MCF2L: variants seen among roughly 807,000 people sequenced by gnomAD.
MCF2L encodes MCF.2 cell line derived transforming sequence like.
Under a neutral mutation model 153.4 loss-of-function variants are expected in MCF2L, and 97 were observed. The ratio of observed to expected loss-of-function variants is 0.63; its 90% confidence interval spans 0.54 to 0.75. The LOEUF (loss-of-function observed/expected upper bound fraction) is 0.75, where lower values mean the gene tolerates loss of function less well. Ranked by LOEUF, MCF2L falls within the 30% of genes least tolerant of loss-of-function variation. The pLI is 0.00. For synonymous variants in MCF2L, 659 were observed against 632.2 expected (o/e 1.04, Z -0.64); for missense variants, 1,347 against 1,495.2 (o/e 0.90, Z 1.64).
At chr13:113,090,684 C>G (rs1377579090) in intron 26 of MCF2L, 4 of 985,370 alleles carry the variant, frequency 4.1e-6, no homozygotes, top group African/African-American at 1.7e-5. Flanking sequence ...GAAGCCGGCC[C>G]TGGCGTGCAG....
chr13:113,096,595 C>G lies in MCF2L; in HGVS notation c.3234C>G (p.Ala1078=), dbSNP rs921145910. 13 of 1,603,384 alleles carry G rather than the reference C, an allele frequency of 8.1e-6. No homozygotes were observed. Among genetic ancestry groups the G allele is most frequent in the Non-Finnish European group, 1.0e-5 (12 of 1,178,378 alleles). ...PTTGKEGWVP[A]SSLSVRLGPS... ...CTGGCAAGGAGGGCTGGGTGCCGGCCAGCAGCCTGTCCGTCCGGCTCGGCC... is the reference window on the plus strand; with the variant it reads ...CTGGCAAGGAGGGCTGGGTGCCGGCGAGCAGCCTGTCCGTCCGGCTCGGCC... Residue 1078 remains alanine, a synonymous_variant, in exon 29 of 30, where the codon GCC becomes GCG. Coordinates refer to ENST00000535094, the MANE Select transcript of MCF2L (RefSeq NM_001112732.3).
chr13:112,930,230 C>T (rs2081447921), intron 2 of MCF2L, among the ~76,000 whole-genome samples: 1 of 152,172 alleles, frequency 6.6e-6, no homozygotes, highest in African/African-American at 2.4e-5. Flanking sequence ...CATGTCCATA[C>T]AAAAACCTGC....
intron 2 of MCF2L, among the ~76,000 whole-genome samples, chr13:112,918,146 T>C (rs558013806): frequency 2.0e-5 from 3 of 152,236 alleles, no homozygotes; most frequent in Non-Finnish European, 2.9e-5. Context: ...TTCCTAGCAA[T>C]CGCAAATTAA....
chr13:112,976,706 G>C (rs1053513061), intron 1 of MCF2L, among the ~76,000 whole-genome samples: 9 of 152,216 alleles, frequency 5.9e-5, no homozygotes. Flanking sequence ...CCCGGGCTGG[G>C]ACTGAAGGAG....
At position 113,064,404 on chromosome 13, in the gene MCF2L, G is replaced by C. The variant is rs750620975; in HGVS notation, c.590G>C (p.Trp197Ser). The C allele has an allele frequency of 1.6e-5, 25 of 1,612,178 alleles. No homozygotes were observed. Among genetic ancestry groups the C allele is most frequent in the Non-Finnish European group, 2.1e-5 (25 of 1,179,790 alleles). Residue 197 changes from tryptophan (W) to serine (S), a missense_variant, in exon 6 of 30, where the codon TGG (tryptophan) becomes TCG (serine). Transcript: ENST00000535094. This position sits in a 1 kb window ranked among gnomAD's most constrained non-coding sequence, Gnocchi z 6.0. ...ACCCTGGACTACTGCCACTCCCGGT[G>C]GCTGTGCCAGCGCACGGTGAGCCGC... Reference protein sequence around the residue: ...GGTLDYCHSRWLCQRTAIESF... With the variant: ...GGTLDYCHSRSLCQRTAIESF...
upstream of MCF2L, chr13:112,965,712 G>C (rs1166035008): frequency 6.6e-6 from 1 of 152,258 alleles, no homozygotes; most frequent in African/African-American, 2.4e-5. Flanking sequence ...GCCTGCTCCA[G>C]CTCCCATTTC....
rs141491899 is a variant in MCF2L at position 113,060,593 on chromosome 13, G to A, written c.370G>A (p.Ala124Thr). ...SVKASVLRIA[A>T]SFPANLQLVL... ...CCTTGTCTCTCGCCCTCTCTCACAG[G>A]CATCTTTCCCGGCAAACCTGCAGCT... is the stretch of plus-strand genomic sequence containing the variant. Residue 124 changes from alanine (A) to threonine (T), a missense_variant and splice_region_variant, in exon 5 of 30, where the codon GCA becomes ACA. Physicochemically the swap from Ala to Thr is moderately conservative, Grantham distance 58. Coordinates refer to ENST00000535094, the MANE Select transcript of MCF2L (RefSeq NM_001112732.3). 2.5e-6 allele frequency: 4 copies of A among 1,612,654 alleles called. No homozygotes were observed. The highest frequency in any genetic ancestry group is 2.7e-5 in the African/African-American group (2 of 74,944).
intron 2 of MCF2L, among the ~76,000 whole-genome samples, chr13:112,903,972 GCCCT>G (rs1157686729): frequency 6.6e-6 from 1 of 152,190 alleles, no homozygotes; most frequent in African/African-American, 2.4e-5. Flanking sequence ...ACAGCTGGCT[GCCCT>G]GACCTCTGCA....
At chr13:112,924,127 C>T (rs554893752) in intron 2 of MCF2L, among the ~76,000 whole-genome samples, 5 of 152,052 alleles carry the variant, frequency 3.3e-5, no homozygotes, top group Admixed American at 3.3e-4. Context: ...CCTAAAAATA[C>T]GCACACACAT....
chr13:112,994,838 G>A (rs1398401834), intron 1 of MCF2L, among the ~76,000 whole-genome samples: 1 of 152,260 alleles, frequency 6.6e-6, no homozygotes, highest in East Asian at 1.9e-4. Flanking sequence ...GGGCTGCGCA[G>A]CCAGTGGGCT....
chr13:112,916,042 C>CAAA (rs68161667), intron 2 of MCF2L, among the ~76,000 whole-genome samples: 7 of 130,586 alleles, frequency 5.4e-5, no homozygotes, highest in African/African-American at 1.7e-4. Flanking sequence ...ACTAAAAATA[C>CAAA]AAAAAAAAAA....
intron 2 of MCF2L, among the ~76,000 whole-genome samples, chr13:112,923,772 C>A (rs1463174886): frequency 5.3e-5 from 8 of 152,100 alleles, no homozygotes; most frequent in Non-Finnish European, 1.0e-4. Context: ...CCCTAAATGT[C>A]CTTTAAAGCA....
Position 113,070,559 on chromosome 13 carries a change from C to G in MCF2L, c.996+386C>G, listed in dbSNP as rs569289539. ...GGCGTCACAGTCATGAGGTGCACAG[C>G]GACACGGCCAGTGCAGCCAGACCCA... is the stretch of plus-strand genomic sequence containing the variant. On this transcript the variant is annotated intron_variant, in intron 9 of 29. Coordinates refer to ENST00000535094, the MANE Select transcript of MCF2L (RefSeq NM_001112732.3). This position sits in a 1 kb window ranked among gnomAD's most constrained non-coding sequence, Gnocchi z 5.6. Among the ~76,000 whole-genome samples, 1 of 152,160 alleles carries G rather than the reference C, an allele frequency of 6.6e-6. No individual in the cohort carries two copies. The highest frequency in any genetic ancestry group is 1.5e-5 in the Non-Finnish European group (1 of 68,030).
Position 113,045,463 on chromosome 13 carries a change from T to A in MCF2L, c.369+102T>A. ...GTCTGCCGCAGTTCCTGCTTTGTGC[T>A]GAGTGGGACAGAGCCCAGTCCCGGC... On this transcript the variant is annotated intron_variant, in intron 4 of 29. Coordinates refer to ENST00000535094, the MANE Select transcript of MCF2L (RefSeq NM_001112732.3). This position sits in a 1 kb window ranked among gnomAD's most constrained non-coding sequence, Gnocchi z 4.2. 1 of 1,064,902 alleles carries A rather than the reference T, an allele frequency of 9.4e-7. No individual in the cohort carries two copies. The highest frequency in any genetic ancestry group is 1.4e-6 in the Non-Finnish European group (1 of 703,632). 66.0% of individuals were successfully genotyped at this position (1,064,902 alleles called of 1,614,324 possible). A position where few individuals can be genotyped will look rare whatever the true frequency, so the allele number is the denominator to read the frequency against.
chr13:112,981,637 C>T (rs1457056568), intron 1 of MCF2L, among the ~76,000 whole-genome samples: 4 of 152,208 alleles, frequency 2.6e-5, no homozygotes, highest in African/African-American at 4.8e-5. Flanking sequence ...CCTGGGCCTG[C>T]GAGCCTGAGA....
intron 26 of MCF2L, among the ~76,000 whole-genome samples, chr13:113,092,262 G>A (rs547012815): frequency 3.9e-4 from 59 of 152,356 alleles, no homozygotes; most frequent in Admixed American, 1.4e-3. Context: ...CTCTGCTTCC[G>A]TCTCGTCATC....
At chr13:113,034,591 T>C (rs2086019159) in intron 3 of MCF2L, among the ~76,000 whole-genome samples, 1 of 146,522 alleles carries the variant, frequency 6.8e-6, no homozygotes, top group South Asian at 2.2e-4. Flanking sequence ...CTCGCCCTGG[T>C]CTCACCCTCG....
intron 2 of MCF2L, among the ~76,000 whole-genome samples, chr13:112,948,859 A>T (rs1326036563): frequency 6.6e-6 from 1 of 152,382 alleles, no homozygotes; most frequent in East Asian, 1.9e-4. Context: ...TGAGGCCAGG[A>T]GTTCGAGACC....
chr13:113,080,419 T>A (rs2034010892), intron 15 of MCF2L, among the ~76,000 whole-genome samples: 1 of 152,166 alleles, frequency 6.6e-6, no homozygotes, highest in Non-Finnish European at 1.5e-5. Flanking sequence ...TCCAGAGCCC[T>A]CTTGCTCCCC....
Sources: gnomAD v4.1 joint callset for allele counts (sites outside exome capture counted in the v4.1 genomes callset) on GRCh38, gnomAD v4.1.1 for gene constraint, Gnocchi (gnomAD v3.1) non-coding constraint, MANE v1.5 for transcripts, NCBI Gene and HGNC (gene_info 2026-07-23, HGNC 2026-07-21) for gene names.